The following SYNDIG1 variants were observed in gnomAD, a reference collection of about 807,000 sequenced individuals.
SYNDIG1 encodes the protein synapse differentiation inducing 1.
A neutral mutation model predicts 19.4 loss-of-function variants in SYNDIG1; 9 were observed. That is an observed-to-expected ratio of 0.46 (90% CI 0.28 to 0.81). The LOEUF (loss-of-function observed/expected upper bound fraction) is 0.81, where lower values mean the gene tolerates loss of function less well. Among genes scored for constraint, SYNDIG1 ranks in the 30% least tolerant of loss-of-function variants. The pLI, the probability that SYNDIG1 is intolerant of heterozygous loss-of-function variation, is 0.12. For missense variants in SYNDIG1, 311 were observed against 343.3 expected, an observed-to-expected ratio of 0.91 and a Z score of 0.74; for synonymous variants, 141 against 145.9, an observed-to-expected ratio of 0.97 and a Z score of 0.24.
intron 3 of SYNDIG1, among the ~76,000 whole-genome samples, chr20:24,618,405 G>C (rs1474834297): frequency 1.3e-5 from 2 of 152,032 alleles, no homozygotes; most frequent in Non-Finnish European, 2.9e-5. Context: ...AGGGAGAAGG[G>C]TTCTCTACCA....
At chr20:24,631,053 G>T (rs951620230) in intron 3 of SYNDIG1, among the ~76,000 whole-genome samples, 4 of 152,242 alleles carry the variant, frequency 2.6e-5, no homozygotes, top group African/African-American at 9.6e-5. Flanking sequence ...TGCCCACAGG[G>T]CGTGTTGTTA....
chr20:24,517,716 A>G (rs2056912968), intron 1 of SYNDIG1, among the ~76,000 whole-genome samples: 2 of 145,898 alleles, frequency 1.4e-5, no homozygotes, highest in South Asian at 2.1e-4. Flanking sequence ...GTGTATATAT[A>G]TGTGTATGTA....
rs1163292530 is a variant in SYNDIG1 at position 24,469,682 on chromosome 20, C to T, written c.-150C>T. ...AGCAGAGGCGGGCGCCGCACCGCCC[C>T]GCACGCTCGCTCGCTCGGGAGAGTC... is the stretch of plus-strand genomic sequence containing the variant. On this transcript the variant is annotated 5_prime_UTR_variant, in exon 1 of 4. Transcript: ENST00000376862. The T allele has an allele frequency of 6.6e-6, 1 of 152,122 alleles. No individual in the cohort carries two copies. The highest frequency in any genetic ancestry group is 1.5e-5 in the Non-Finnish European group (1 of 68,334). 9.4% of individuals were successfully genotyped at this position (152,122 alleles called of 1,614,324 possible). A position where few individuals can be genotyped will look rare whatever the true frequency, so the allele number is the denominator to read the frequency against.
At chr20:24,490,906 A>G (rs1486353424) in intron 1 of SYNDIG1, among the ~76,000 whole-genome samples, 2 of 152,198 alleles carry the variant, frequency 1.3e-5, no homozygotes, top group East Asian at 3.9e-4. Flanking sequence ...GGAGCCAGGG[A>G]GGAAGTAAAT....
intron 1 of SYNDIG1, among the ~76,000 whole-genome samples, chr20:24,513,039 A>G (rs1180303042): frequency 6.6e-6 from 1 of 152,130 alleles, no homozygotes; most frequent in African/African-American, 2.4e-5. Context: ...CCTCCAGCAA[A>G]CTCCAACAGA....
At chr20:24,645,568 A>G (rs1036683825) in intron 3 of SYNDIG1, among the ~76,000 whole-genome samples, 1 of 152,176 alleles carries the variant, frequency 6.6e-6, no homozygotes, top group Non-Finnish European at 1.5e-5. Flanking sequence ...AGGGGGGAAG[A>G]CTGCCTCGGT....
chr20:24,640,514 GA>G (rs760477062), intron 3 of SYNDIG1, among the ~76,000 whole-genome samples: 3,378 of 145,574 alleles, frequency 0.023, 124 homozygotes, highest in East Asian at 0.15. Context: ...AGGAAGGAAG[GA>G]AGGAAGGAAG....
At chr20:24,594,463 C>T (rs539405252) in intron 3 of SYNDIG1, among the ~76,000 whole-genome samples, 1 of 152,254 alleles carries the variant, frequency 6.6e-6, no homozygotes, top group South Asian at 2.1e-4. Context: ...TAACATGATG[C>T]CTCCAGCTTT....
chr20:24,544,300 G>C (rs6049774), intron 2 of SYNDIG1, among the ~76,000 whole-genome samples: 1 of 152,156 alleles, frequency 6.6e-6, no homozygotes, highest in Admixed American at 6.5e-5. Flanking sequence ...ATGGACTAGC[G>C]GTTTGCTGCC....
At chr20:24,519,426 C>T (rs1165126717) in intron 1 of SYNDIG1, among the ~76,000 whole-genome samples, 2 of 152,218 alleles carry the variant, frequency 1.3e-5, no homozygotes, top group African/African-American at 4.8e-5. Context: ...AAGCAAGTCA[C>T]TCCACCATTT....
At chr20:24,567,504 G>A (rs150331408) in intron 2 of SYNDIG1, among the ~76,000 whole-genome samples, 166 of 152,252 alleles carry the variant, frequency 1.1e-3, no homozygotes, top group African/African-American at 3.9e-3. Flanking sequence ...TGGGTCCCCC[G>A]TCACTCTGGG....
chr20:24,536,169 A>G (rs966100770), intron 1 of SYNDIG1, among the ~76,000 whole-genome samples: 13 of 152,194 alleles, frequency 8.5e-5, no homozygotes, highest in African/African-American at 2.2e-4. Flanking sequence ...GGGCGTGGCC[A>G]TGCTGTCATC....
chr20:24,536,196 A>G (rs2057358488), intron 1 of SYNDIG1, among the ~76,000 whole-genome samples: 1 of 152,200 alleles, frequency 6.6e-6, no homozygotes, highest in Admixed American at 6.5e-5. Flanking sequence ...TGAGCTGGGC[A>G]GCCTGGGAGC....
At chr20:24,508,438 AAACTC>A (rs2056660948) in intron 1 of SYNDIG1, among the ~76,000 whole-genome samples, 3 of 150,016 alleles carry the variant, frequency 2.0e-5, no homozygotes, top group East Asian at 2.0e-4. Flanking sequence ...CATGTTGGCC[AAACTC>A]CTGACCTCAA....
At chr20:24,640,153 G>A (rs1024894873) in intron 3 of SYNDIG1, among the ~76,000 whole-genome samples, 5 of 152,044 alleles carry the variant, frequency 3.3e-5, no homozygotes, top group African/African-American at 1.2e-4. Context: ...GGTCAACATG[G>A]TAAAACCCCA....
intron 3 of SYNDIG1, among the ~76,000 whole-genome samples, chr20:24,631,419 G>A (rs1323406018): frequency 3.3e-5 from 5 of 152,202 alleles, no homozygotes; most frequent in Admixed American, 3.3e-4. Flanking sequence ...CCACCTGCGG[G>A]CGCGACGGCC....
intron 2 of SYNDIG1, among the ~76,000 whole-genome samples, chr20:24,578,586 G>A (rs1014770200): frequency 1.3e-5 from 2 of 152,358 alleles, no homozygotes; most frequent in Admixed American, 1.3e-4. Flanking sequence ...CAGCTTTGCA[G>A]CTATGTAGGG....
At chr20:24,611,122 G>C (rs2058841062) in intron 3 of SYNDIG1, among the ~76,000 whole-genome samples, 1 of 152,058 alleles carries the variant, frequency 6.6e-6, no homozygotes, top group Non-Finnish European at 1.5e-5. Context: ...CCACATCCAG[G>C]CTCCAAACCA....
chr20:24,649,540 C>T (rs1351345362), intron 3 of SYNDIG1, among the ~76,000 whole-genome samples: 1 of 152,164 alleles, frequency 6.6e-6, no homozygotes, highest in African/African-American at 2.4e-5. Context: ...ACTTACAGTC[C>T]AGGACAGACA....
Sources: allele counts gnomAD v4.1 joint callset (sites outside exome capture counted in the v4.1 genomes callset), GRCh38; gene constraint gnomAD v4.1.1; transcripts MANE v1.5; gene names NCBI Gene and HGNC (gene_info 2026-07-23, HGNC 2026-07-21).